Variants in TSHR observed in about 807,000 individuals in gnomAD.
The protein encoded by TSHR is thyroid stimulating hormone receptor, also known as thyrotropin receptor.
TSHR carries 51 observed loss-of-function variants against 64.1 expected under a neutral mutation model. That is an observed-to-expected ratio of 0.80 (90% CI 0.64 to 1.01). TSHR has a LOEUF of 1.01. TSHR is among the 50% of genes least tolerant of loss of function. The probability of loss-of-function intolerance (pLI) is 0.00; values close to 1 mark genes in which losing one functional copy is unlikely to be tolerated. For synonymous variants in TSHR, 361 were observed against 361.9 expected (o/e 1.00, Z 0.03); for missense variants, 877 against 942.8 (o/e 0.93, Z 0.91).
intron 3 of TSHR, among the ~76,000 whole-genome samples, chr14:81,082,487 C>T (rs2139950253): frequency 6.6e-6 from 1 of 152,306 alleles, no homozygotes; most frequent in East Asian, 1.9e-4. Context: ...TGTCTTTGTT[C>T]TAGGCCCAGT....
intron 1 of TSHR, among the ~76,000 whole-genome samples, chr14:81,024,525 G>T (rs1883945315): frequency 6.6e-6 from 1 of 152,148 alleles, no homozygotes; most frequent in South Asian, 2.1e-4. Context: ...GGGATTACAG[G>T]CTTGGGCCAC....
chr14:81,046,796 G>C (rs1163603942), intron 1 of TSHR, among the ~76,000 whole-genome samples: 1 of 152,066 alleles, frequency 6.6e-6, no homozygotes, highest in African/African-American at 2.4e-5. Context: ...GTGATAAAGA[G>C]AGTATCTTAA....
chr14:81,106,068 T>C (rs1311623153), intron 7 of TSHR, among the ~76,000 whole-genome samples: 2 of 152,224 alleles, frequency 1.3e-5, no homozygotes, highest in African/African-American at 4.8e-5. Flanking sequence ...GGGATTGTGA[T>C]TGAAGCCACT....
At chr14:81,048,441 A>T (rs192936181) in intron 1 of TSHR, among the ~76,000 whole-genome samples, 25 of 152,146 alleles carry the variant, frequency 1.6e-4, no homozygotes, top group Middle Eastern at 3.4e-3. Flanking sequence ...CATCCCAAAG[A>T]TGGGCATACT....
intron 1 of TSHR, among the ~76,000 whole-genome samples, chr14:80,979,899 A>T (rs1201946531): frequency 1.3e-5 from 2 of 152,162 alleles, no homozygotes; most frequent in African/African-American, 4.8e-5. Flanking sequence ...CACAGCAGTG[A>T]GGGTGATCAG....
intron 8 of TSHR, among the ~76,000 whole-genome samples, chr14:81,123,887 C>A (rs1360424921): frequency 1.3e-5 from 2 of 151,946 alleles, no homozygotes; most frequent in African/African-American, 2.4e-5. Flanking sequence ...TTTATACTTT[C>A]CATTTTTGAT....
chr14:80,983,655 G>A, intron 1 of TSHR: 1 of 772,254 alleles, frequency 1.3e-6, no homozygotes. Context: ...GCCAGAGATA[G>A]AACACTTTGA....
intron 1 of TSHR, among the ~76,000 whole-genome samples, chr14:81,024,569 T>C (rs1160148896): frequency 6.6e-6 from 1 of 152,142 alleles, no homozygotes; most frequent in Non-Finnish European, 1.5e-5. Flanking sequence ...CTTATAGCAA[T>C]TCTGCACCGA....
At position 81,143,352 on chromosome 14, in the gene TSHR, A is replaced by G; in HGVS notation, c.1294A>G (p.Asn432Asp). The G allele has an allele frequency of 6.2e-7, 1 of 1,614,106 alleles. No homozygotes were observed. The highest frequency in any genetic ancestry group is 8.5e-7 in the Non-Finnish European group (1 of 1,180,026). The change falls in exon 10 of 10, where the codon AAT (asparagine) becomes GAT (aspartate). Residue 432 changes from asparagine (N) to aspartate (D), a missense_variant. Asn to Asp is a conservative substitution (Grantham distance 23, BLOSUM62 1). Coordinates refer to ENST00000298171, the MANE Select transcript of TSHR (RefSeq NM_000369.5). ...WFVSLLALLG[N>D]VFVLLILLTS... The stretch of plus-strand genomic sequence containing the variant: ...CGTTAGTCTGCTGGCTCTCCTGGGC[A>G]ATGTCTTTGTCCTGCTTATTCTCCT...
intron 1 of TSHR, among the ~76,000 whole-genome samples, chr14:80,977,966 G>C (rs1887964681): frequency 6.6e-6 from 1 of 151,912 alleles, no homozygotes; most frequent in South Asian, 2.1e-4. Context: ...GTCAGTTGCT[G>C]TCAACTTTAT....
At chr14:81,047,281 AT>A (rs146278567) in intron 1 of TSHR, among the ~76,000 whole-genome samples, 19,284 of 152,010 alleles carry the variant, frequency 0.13, 1,544 homozygotes, top group Non-Finnish European at 0.18. Flanking sequence ...AAATAAAATT[AT>A]TTTTTTCCTC....
At chr14:81,064,884 G>T (rs1343366221) in intron 2 of TSHR, among the ~76,000 whole-genome samples, 2 of 151,832 alleles carry the variant, frequency 1.3e-5, no homozygotes, top group African/African-American at 4.8e-5. Flanking sequence ...AGGCAGGAGG[G>T]GATGAGATCC....
At chr14:81,054,399 T>A (rs1399596261) in intron 1 of TSHR, among the ~76,000 whole-genome samples, 2 of 152,162 alleles carry the variant, frequency 1.3e-5, no homozygotes, top group Non-Finnish European at 2.9e-5. Context: ...GTACTGGGAA[T>A]GGGTTGCTGC....
chr14:80,983,366 G>C, intron 1 of TSHR: 1 of 1,101,892 alleles, frequency 9.1e-7, no homozygotes, highest in Non-Finnish European at 1.3e-6. Context: ...CCTTGAGAAA[G>C]TACAAAACCA....
intron 1 of TSHR, among the ~76,000 whole-genome samples, chr14:80,962,916 A>G (rs1167635043): frequency 6.6e-6 from 1 of 152,242 alleles, no homozygotes; most frequent in Non-Finnish European, 1.5e-5. Flanking sequence ...GCTCTAGTCA[A>G]TTCACAGCTT....
At chr14:80,977,125 G>A (rs149500875) in intron 1 of TSHR, among the ~76,000 whole-genome samples, 161 of 152,372 alleles carry the variant, frequency 1.1e-3, no homozygotes, top group African/African-American at 3.7e-3. Context: ...CCTCTGTGAA[G>A]TGTGTCTCTC....
At chr14:81,029,842 G>A (rs916933577) in intron 1 of TSHR, among the ~76,000 whole-genome samples, 2 of 152,148 alleles carry the variant, frequency 1.3e-5, no homozygotes, top group Admixed American at 6.5e-5. Context: ...ACTGCCCAAC[G>A]TTGTCTGGAA....
In TSHR at chr14:81,145,996, C is replaced by G. The variant is rs1566837450; in HGVS notation, c.*1643C>G. On this transcript the variant is annotated 3_prime_UTR_variant, in exon 10 of 10. Transcript: ENST00000298171. ...GACTCACCTGGAATCTCTCCACAGC[C>G]ATACCCACTCATCACTATCATTGAG... is the stretch of plus-strand genomic sequence containing the variant. 1 of 231,928 alleles carries G rather than the reference C, an allele frequency of 4.3e-6. No individual in the cohort carries two copies. The highest frequency in any genetic ancestry group is 8.5e-6 in the Non-Finnish European group (1 of 117,292). 14.4% of individuals were successfully genotyped at this position (231,928 alleles called of 1,614,324 possible).
chr14:80,957,465 AC>A (rs1301150892), intron 1 of TSHR, among the ~76,000 whole-genome samples: 1,191 of 112,098 alleles, frequency 0.011, 18 homozygotes, highest in African/African-American at 0.051. Flanking sequence ...CTCAGAAAAA[AC>A]AAAAAAAAAA....
Sources: gnomAD v4.1 joint callset for allele counts (sites outside exome capture counted in the v4.1 genomes callset) on GRCh38, gnomAD v4.1.1 for gene constraint, MANE v1.5 for transcripts, NCBI Gene and HGNC (gene_info 2026-07-23, HGNC 2026-07-21) for gene names.